The following ATL3 variants were observed in gnomAD, a reference collection of about 807,000 sequenced individuals.
ATL3 encodes the protein atlastin-3.
A neutral mutation model predicts 69.5 loss-of-function variants in ATL3; 49 were observed. That is an observed-to-expected ratio of 0.71 (90% CI 0.56 to 0.89). The LOEUF is 0.89. Ranked by LOEUF, ATL3 falls within the 40% of genes least tolerant of loss-of-function variation. ATL3 has a pLI of 0.00. For synonymous variants in ATL3, 214 were observed against 224.1 expected (o/e 0.95, Z 0.40); for missense variants, 606 against 645.7 (o/e 0.94, Z 0.67).
intron 11 of ATL3, chr11:63,632,636 G>A (rs569182700): frequency 9.3e-6 from 9 of 971,350 alleles, no homozygotes; most frequent in African/African-American, 1.6e-5. Flanking sequence ...ACTAATAAGA[G>A]GACGAATCTT....
rs1378825851 is a variant in ATL3, at chr11:63,635,746, T to C, written c.979-156A>G. 2.0e-5 allele frequency among the ~76,000 whole-genome samples: 3 copies of C among 151,494 alleles called. No individual in the cohort carries two copies. The Admixed American group carries it at 2.0e-4, about 10-fold the overall frequency. On this transcript the variant is annotated intron_variant, in intron 9 of 12. Transcript: ENST00000398868. ...AACACACCACACACCTTTGAGTGCA[T>C]GTTAGCATTTTTAGTTAACTAAAAA...
chr11:63,646,124 A>G (rs1254779423), intron 6 of ATL3, among the ~76,000 whole-genome samples: 1 of 152,090 alleles, frequency 6.6e-6, no homozygotes, highest in Admixed American at 6.6e-5. Context: ...CCTGGGCTCT[A>G]GCAATTCTTC....
chr11:63,625,645 T>C lies in ATL3; in HGVS notation c.*3674A>G, dbSNP rs1312679292. 6.6e-6 allele frequency: 1 copy of C among 152,180 alleles called. No individual in the cohort carries two copies. Among genetic ancestry groups the C allele is most frequent in the African/African-American group, 2.4e-5 (1 of 41,430 alleles). The allele number at this position is 152,180 out of a possible 1,614,324, so 9.4% of individuals were successfully genotyped here. On this transcript the variant is annotated 3_prime_UTR_variant, in exon 13 of 13. Coordinates refer to ENST00000398868, the MANE Select transcript of ATL3 (RefSeq NM_015459.5). ...AACCAACCACCAGTACAAGGCAGTA[T>C]TTTTGTGTGTTTGACCAAAGCGCTT...
At chr11:63,671,548 C>G, upstream of ATL3, 3 of 1,417,340 alleles carry the variant, frequency 2.1e-6, no homozygotes, top group Non-Finnish European at 1.8e-6. Context: ...GAGCGCAGGA[C>G]GAGGCTAGGC....
At position 63,626,519 on chromosome 11, in the gene ATL3, A is replaced by G. The variant is rs1262242873; in HGVS notation, c.*2800T>C. ...AAACTCTGATTCTACCATTTTTACTATAAGCAGCTCATTGAAATTATTTTT... is the reference window on the plus strand; with the variant it reads ...AAACTCTGATTCTACCATTTTTACTGTAAGCAGCTCATTGAAATTATTTTT... On this transcript the variant is annotated 3_prime_UTR_variant, in exon 13 of 13. Coordinates refer to ENST00000398868, the MANE Select transcript of ATL3 (RefSeq NM_015459.5). 2.0e-5 allele frequency: 3 copies of G among 152,348 alleles called. No homozygotes were observed. The highest frequency in any genetic ancestry group is 6.5e-5 in the Admixed American group (1 of 15,312). The allele number at this position is 152,348 out of a possible 1,614,324, so 9.4% of individuals were successfully genotyped here. A position where few individuals can be genotyped will look rare whatever the true frequency, so the allele number is the denominator to read the frequency against.
intron 5 of ATL3, among the ~76,000 whole-genome samples, chr11:63,648,758 G>A (rs539653019): frequency 9.2e-5 from 14 of 151,762 alleles, no homozygotes; most frequent in Non-Finnish European, 1.8e-4. Flanking sequence ...GCAGTGAGCC[G>A]AGATCGCACC....
At chr11:63,631,547 G>A in intron 11 of ATL3, 76 bp from the exon 12 acceptor site, 1 of 1,241,530 alleles carries the variant, frequency 8.1e-7, no homozygotes, top group Non-Finnish European at 1.1e-6. Flanking sequence ...AAAAGATAAT[G>A]AAAGGATTAG....
intron 1 of ATL3, among the ~76,000 whole-genome samples, chr11:63,670,038 G>A (rs575542324): frequency 2.0e-5 from 3 of 152,192 alleles, no homozygotes; most frequent in Admixed American, 1.3e-4. Flanking sequence ...CCCAGGAAGC[G>A]GAGGTTGCAA....
rs1025871706 is a variant in ATL3, at chr11:63,624,337, G to A, written c.*4982C>T. 3.3e-5 allele frequency: 5 copies of A among 152,142 alleles called. No individual in the cohort carries two copies. The highest frequency in any genetic ancestry group is 2.0e-4 in the Admixed American group (3 of 15,274). 9.4% of individuals were successfully genotyped at this position (152,142 alleles called of 1,614,324 possible). On this transcript the variant is annotated 3_prime_UTR_variant, in exon 13 of 13. Coordinates refer to ENST00000398868, the MANE Select transcript of ATL3 (RefSeq NM_015459.5). The stretch of plus-strand genomic sequence containing the variant: ...TAACTCCTTTAAGGCTTACATCCAT[G>A]ACAGCATGTATCTAATTAGAAAGCT...
chr11:63,649,656 C>T (rs1590734084), intron 5 of ATL3, among the ~76,000 whole-genome samples: 1 of 151,526 alleles, frequency 6.6e-6, no homozygotes, highest in Non-Finnish European at 1.5e-5. Flanking sequence ...CTCAGCCTCC[C>T]GAGTAGCTGC....
chr11:63,645,038 G>A (rs766290873), intron 6 of ATL3, among the ~76,000 whole-genome samples: 2 of 152,028 alleles, frequency 1.3e-5, no homozygotes, highest in African/African-American at 4.8e-5. Flanking sequence ...GCGAGATCAC[G>A]CCACTGCACT....
rs1939101995 is a variant in ATL3, at chr11:63,626,095, C to A, written c.*3224G>T. The A allele has an allele frequency of 6.6e-6, 1 of 151,930 alleles. No homozygotes were observed. Among genetic ancestry groups the A allele is most frequent in the Non-Finnish European group, 1.5e-5 (1 of 68,036 alleles). 9.4% of individuals were successfully genotyped at this position (151,930 alleles called of 1,614,324 possible). On this transcript the variant is annotated 3_prime_UTR_variant, in exon 13 of 13. Transcript: ENST00000398868. ...GGTATACTACGAAAATAAGGCATGA[C>A]TCAGCTGGGCGGGGTGGCTCATGCC...
intron 3 of ATL3, among the ~76,000 whole-genome samples, chr11:63,653,929 C>T (rs1940159384): frequency 6.6e-6 from 1 of 152,118 alleles, no homozygotes; most frequent in African/African-American, 2.4e-5. Flanking sequence ...TGTCACTATA[C>T]AGTTGTCAAA....
rs928556027 is a variant in ATL3, at chr11:63,627,515, T to C, written c.*1804A>G. ...GAGATTACATGCGAAAAGGGACTTT[T>C]TTTCTACCTTCCATTCATACTTCAT... is the stretch of plus-strand genomic sequence containing the variant. On this transcript the variant is annotated 3_prime_UTR_variant, in exon 13 of 13. Coordinates refer to ENST00000398868, the MANE Select transcript of ATL3 (RefSeq NM_015459.5). 6.6e-5 allele frequency: 10 copies of C among 152,218 alleles called. No homozygotes were observed. Among genetic ancestry groups the C allele is most frequent in the Non-Finnish European group, 1.3e-4 (9 of 68,036 alleles). The allele number at this position is 152,218 out of a possible 1,614,324, so 9.4% of individuals were successfully genotyped here.
At chr11:63,642,909 T>C (rs955781452) in intron 8 of ATL3, among the ~76,000 whole-genome samples, 98 of 152,340 alleles carry the variant, frequency 6.4e-4, no homozygotes, top group Admixed American at 4.4e-3. Flanking sequence ...CTACGATTCC[T>C]CTCACCTACC....
Position 63,644,170 on chromosome 11 carries a change from T to C in ATL3, c.710A>G (p.Gln237Arg), listed in dbSNP as rs200495090. 40 of 1,593,428 alleles carry C rather than the reference T, an allele frequency of 2.5e-5. No homozygotes were observed. Among genetic ancestry groups the C allele is most frequent in the Admixed American group, 1.7e-4 (10 of 58,490 alleles). ...TCAGAAGATTATAGTCCCACTTACC[T>C]GTAAACGCTTATCCAAAAATGCCAT... is the stretch of plus-strand genomic sequence containing the variant. The part of the protein sequence containing the change: ...GGMAFLDKRL[Q>R]VKEHQHEEIQ... The change falls in exon 7 of 13, where the codon CAG becomes CGG. Residue 237 changes from glutamine (Q) to arginine (R), a missense_variant and splice_region_variant. Coordinates refer to ENST00000398868, the MANE Select transcript of ATL3 (RefSeq NM_015459.5).
intron 11 of ATL3, chr11:63,632,723 G>C (rs1039104014): frequency 8.0e-7 from 1 of 1,252,160 alleles, no homozygotes; most frequent in Admixed American, 1.8e-5. Context: ...CTGATGATTA[G>C]TAAGCATTTA....
In ATL3 at chr11:63,626,151, G is replaced by A. The variant is rs1348854060; in HGVS notation, c.*3168C>T. The A allele has an allele frequency of 6.6e-6, 1 of 152,008 alleles. No individual in the cohort carries two copies. The highest frequency in any genetic ancestry group is 1.5e-5 in the Non-Finnish European group (1 of 68,012). The allele number at this position is 152,008 out of a possible 1,614,324, so 9.4% of individuals were successfully genotyped here. On this transcript the variant is annotated 3_prime_UTR_variant, in exon 13 of 13. Transcript: ENST00000398868. ...TCCCAGCACTTTGGGAGGCTGGGGG[G>A]AGTGGATCACCTGAGGTCAGGAGTT...
intron 10 of ATL3, among the ~76,000 whole-genome samples, chr11:63,633,397 TTTAA>T (rs1187304302): frequency 1.3e-5 from 2 of 152,142 alleles, no homozygotes; most frequent in South Asian, 4.1e-4. Flanking sequence ...CAATTTATTT[TTTAA>T]TTGTTTAAAT....
Sources: allele counts gnomAD v4.1 joint callset (sites outside exome capture counted in the v4.1 genomes callset), GRCh38; gene constraint gnomAD v4.1.1; transcripts MANE v1.5; gene names NCBI Gene and HGNC (gene_info 2026-07-23, HGNC 2026-07-21).